Variants in SV2C observed in about 807,000 individuals in gnomAD.
SV2C encodes the protein synaptic vesicle glycoprotein 2C.
A neutral mutation model predicts 79.7 loss-of-function variants in SV2C; 49 were observed. The ratio of observed to expected loss-of-function variants is 0.61; its 90% CI spans 0.49 to 0.78. SV2C has a LOEUF of 0.78. Among genes scored for constraint, SV2C ranks in the 30% least tolerant of loss-of-function variants. The pLI is 0.00. For missense variants in SV2C, 833 were observed against 912.9 expected, an observed-to-expected ratio of 0.91 and a Z score of 1.13; for synonymous variants, 334 against 333.2, an observed-to-expected ratio of 1.00 and a Z score of -0.03.
chr5:76,007,734 C>T, the SV2C span, among the ~76,000 whole-genome samples: 3 of 152,158 alleles, frequency 2.0e-5, no homozygotes, highest in Non-Finnish European at 4.4e-5. Flanking sequence ...ACAGTCTCTG[C>T]TCTCATCGAG....
At chr5:76,195,475 C>A (rs1744243820) in intron 3 of SV2C, among the ~76,000 whole-genome samples, 1 of 152,298 alleles carries the variant, frequency 6.6e-6, no homozygotes, top group Non-Finnish European at 1.5e-5. Flanking sequence ...TTCAAGCATG[C>A]TCTTAAATTC....
At chr5:75,897,996 C>T in the SV2C span, among the ~76,000 whole-genome samples, 99 of 151,688 alleles carry the variant, frequency 6.5e-4, no homozygotes, top group Non-Finnish European at 9.3e-4. Flanking sequence ...TCTTGATATA[C>T]AATCATATCG....
At chr5:75,921,349 G>A in the SV2C span, 1 of 1,034,350 alleles carries the variant, frequency 9.7e-7, no homozygotes, top group Non-Finnish European at 1.5e-6. Context: ...CATGCTGCCT[G>A]CTGCTGTCCT....
chr5:76,179,439 A>T (rs1427137842), intron 2 of SV2C, among the ~76,000 whole-genome samples: 1 of 152,104 alleles, frequency 6.6e-6, no homozygotes, highest in Non-Finnish European at 1.5e-5. Flanking sequence ...CTTTTTTCTT[A>T]CTCTCAAAGT....
the SV2C span, among the ~76,000 whole-genome samples, chr5:75,959,339 T>C: frequency 6.6e-6 from 1 of 152,126 alleles, no homozygotes; most frequent in South Asian, 2.1e-4. Context: ...TCAGTGTTTC[T>C]TCTAAGAACA....
chr5:76,002,382 G>C, the SV2C span, among the ~76,000 whole-genome samples: 2,077 of 152,214 alleles, frequency 0.014, 48 homozygotes, highest in African/African-American at 0.047. Flanking sequence ...AATCTCTGCT[G>C]CTCACTTGTG....
chr5:76,117,060 G>A (rs926964600), intron 1 of SV2C, among the ~76,000 whole-genome samples: 13 of 152,142 alleles, frequency 8.5e-5, no homozygotes, highest in South Asian at 2.1e-4. Context: ...CCTTAAGCAA[G>A]TCTGTCCCTT....
the SV2C span, among the ~76,000 whole-genome samples, chr5:76,041,839 A>G: frequency 2.5e-3 from 378 of 152,126 alleles, 1 homozygote; most frequent in South Asian, 0.018. Flanking sequence ...ATCTTTCATT[A>G]CTCTATACAA....
chr5:76,209,530 G>T (rs1744703911), intron 3 of SV2C, among the ~76,000 whole-genome samples: 1 of 152,052 alleles, frequency 6.6e-6, no homozygotes, highest in South Asian at 2.1e-4. Flanking sequence ...TTAATTGCAG[G>T]TTCAACTTTT....
intron 12 of SV2C, among the ~76,000 whole-genome samples, chr5:76,339,933 G>A (rs1328258847): frequency 1.3e-5 from 2 of 152,084 alleles, no homozygotes; most frequent in African/African-American, 4.8e-5. Context: ...CTAAGTCACA[G>A]GATGAGATAG....
chr5:75,890,063 A>G, the SV2C span, among the ~76,000 whole-genome samples: 2 of 152,150 alleles, frequency 1.3e-5, no homozygotes, highest in Non-Finnish European at 2.9e-5. Flanking sequence ...AGAATTACAG[A>G]TTTAGTATGT....
the SV2C span, among the ~76,000 whole-genome samples, chr5:75,973,194 A>C: frequency 6.6e-6 from 1 of 151,818 alleles, no homozygotes; most frequent in Non-Finnish European, 1.5e-5. Flanking sequence ...GGAAGGGGGG[A>C]GGGATAGCAT....
intron 4 of SV2C, among the ~76,000 whole-genome samples, chr5:76,212,095 A>G (rs1293084987): frequency 6.9e-6 from 1 of 145,178 alleles, no homozygotes; most frequent in Non-Finnish European, 1.6e-5. Flanking sequence ...AAGGAATTCA[A>G]GATTTTTTTT....
chr5:76,325,309 T>C, intron 12 of SV2C, 55 bp from the exon 13 acceptor site: 2 of 1,573,676 alleles, frequency 1.3e-6, no homozygotes, highest in Non-Finnish European at 1.7e-6. Flanking sequence ...TGGTCTAAAG[T>C]TGGAATCATG....
At chr5:75,909,461 CAT>C in the SV2C span, among the ~76,000 whole-genome samples, 3 of 152,204 alleles carry the variant, frequency 2.0e-5, no homozygotes, top group African/African-American at 7.2e-5. Context: ...TTTCTGTTGA[CAT>C]ACTGTAGGAG....
chr5:76,230,151 C>A (rs73766722), intron 4 of SV2C, among the ~76,000 whole-genome samples: 17,906 of 152,138 alleles, frequency 0.12, 3,061 homozygotes, highest in African/African-American at 0.38. Context: ...TAAAGGAAGA[C>A]AAATGTGAGG....
the SV2C span, among the ~76,000 whole-genome samples, chr5:75,874,357 C>T: frequency 2.6e-5 from 4 of 152,066 alleles, no homozygotes; most frequent in Admixed American, 6.6e-5. Context: ...TATTCAACAC[C>T]GTGTCATGTT....
At position 76,329,462 on chromosome 5, in the gene SV2C, CCAAAT is replaced by C. The variant is rs758705395; in HGVS notation, c.*3918_*3922del. 3 of 152,098 alleles carry C rather than the reference CCAAAT, an allele frequency of 2.0e-5. No homozygotes were observed. The highest frequency in any genetic ancestry group is 4.4e-5 in the Non-Finnish European group (3 of 68,024). The allele number at this position is 152,098 out of a possible 1,614,324, so 9.4% of individuals were successfully genotyped here. A position where few individuals can be genotyped will look rare whatever the true frequency, so the allele number is the denominator to read the frequency against. ...TATATTGGCAAATAGACAAATCTCACCAAATCAGAGTTCAGGTTTTCACCAAAAAC... is the reference window on the plus strand; with the variant it reads ...TATATTGGCAAATAGACAAATCTCACCAGAGTTCAGGTTTTCACCAAAAAC... On this transcript the variant is annotated 3_prime_UTR_variant, in exon 13 of 13. Transcript: ENST00000502798.
chr5:75,971,060 C>A, the SV2C span, among the ~76,000 whole-genome samples: 1 of 152,000 alleles, frequency 6.6e-6, no homozygotes, highest in Admixed American at 6.6e-5. Context: ...ATAAACAGAA[C>A]CAAAGACAAA....
Sources: gnomAD v4.1 joint callset for allele counts (sites outside exome capture counted in the v4.1 genomes callset) on GRCh38, gnomAD v4.1.1 for gene constraint, MANE v1.5 for transcripts, NCBI Gene and HGNC (gene_info 2026-07-23, HGNC 2026-07-21) for gene names.